The following NPAS3 variants were observed in gnomAD, a reference collection of about 807,000 sequenced individuals.
The protein encoded by NPAS3 is neuronal PAS domain-containing protein 3.
NPAS3 carries 14 observed loss-of-function variants against 73.1 expected under a neutral mutation model. That is an observed-to-expected ratio of 0.19 (90% CI 0.13 to 0.30). The LOEUF (loss-of-function observed/expected upper bound fraction) is 0.30. Among genes scored for constraint, NPAS3 ranks in the 10% least tolerant of loss-of-function variants. The pLI is 1.00. For synonymous variants in NPAS3, 620 were observed against 541.5 expected (o/e 1.14, Z -2.01); for missense variants, 1,096 against 1,250.0 (o/e 0.88, Z 1.86).
chr14:33,139,860 G>A (rs17100229), intron 2 of NPAS3, among the ~76,000 whole-genome samples: 6,138 of 152,136 alleles, frequency 0.04, 176 homozygotes, highest in African/African-American at 0.074. Flanking sequence ...AGAACTGATT[G>A]AATGTAGTCT....
chr14:33,798,212 C>A (rs1399038819), intron 11 of NPAS3, among the ~76,000 whole-genome samples: 1 of 152,170 alleles, frequency 6.6e-6, no homozygotes, highest in Non-Finnish European at 1.5e-5. Flanking sequence ...TTTCCTGAAT[C>A]TATGCAGAAC....
intron 1 of NPAS3, among the ~76,000 whole-genome samples, chr14:32,946,706 C>T (rs910153463): frequency 6.6e-6 from 1 of 152,026 alleles, no homozygotes; most frequent in Non-Finnish European, 1.5e-5. Flanking sequence ...CAAGATAATT[C>T]GCTTGTGTAT....
intron 2 of NPAS3, among the ~76,000 whole-genome samples, chr14:33,178,054 A>T (rs1332524933): frequency 2.0e-5 from 3 of 149,012 alleles, no homozygotes; most frequent in African/African-American, 7.4e-5. Context: ...TGGAATTTTG[A>T]TAGGCATTGA....
intron 2 of NPAS3, among the ~76,000 whole-genome samples, chr14:33,186,258 G>A (rs1477320468): frequency 6.6e-6 from 1 of 152,166 alleles, no homozygotes; most frequent in South Asian, 2.1e-4. Context: ...GGTTGTGCCT[G>A]TGCACTTGGA....
At chr14:33,512,512 A>G (rs2053103872) in intron 4 of NPAS3, among the ~76,000 whole-genome samples, 2 of 152,194 alleles carry the variant, frequency 1.3e-5, no homozygotes, top group South Asian at 4.1e-4. Flanking sequence ...ATGTTATAAC[A>G]AATGGTTCAA....
intron 3 of NPAS3, among the ~76,000 whole-genome samples, chr14:33,235,431 A>G (rs1283567464): frequency 6.6e-6 from 1 of 152,046 alleles, no homozygotes; most frequent in African/African-American, 2.4e-5. Flanking sequence ...GTTAAGCATA[A>G]TGTAGGTTAT....
chr14:33,170,942 T>A (rs1159458149), intron 2 of NPAS3, among the ~76,000 whole-genome samples: 4 of 152,248 alleles, frequency 2.6e-5, no homozygotes, highest in Admixed American at 2.6e-4. Flanking sequence ...CTTAACAACA[T>A]CCAAAATGGT....
intron 3 of NPAS3, among the ~76,000 whole-genome samples, chr14:33,329,679 C>A (rs1391155754): frequency 6.6e-6 from 1 of 152,116 alleles, no homozygotes; most frequent in East Asian, 1.9e-4. Context: ...GATCCTTCAC[C>A]CTTCTAGGAC....
At chr14:33,561,439 A>G (rs750942923) in intron 5 of NPAS3, among the ~76,000 whole-genome samples, 2 of 152,246 alleles carry the variant, frequency 1.3e-5, no homozygotes, top group Non-Finnish European at 2.9e-5. Flanking sequence ...TTTGAAGAAC[A>G]TGCAAGCTCT....
intron 2 of NPAS3, among the ~76,000 whole-genome samples, chr14:33,095,501 G>C (rs907596866): frequency 1.3e-5 from 2 of 151,998 alleles, no homozygotes; most frequent in Non-Finnish European, 1.5e-5. Flanking sequence ...ACAGAGATCT[G>C]AAAGAACTTC....
intron 6 of NPAS3, among the ~76,000 whole-genome samples, chr14:33,722,914 C>T (rs1175528148): frequency 2.0e-5 from 3 of 151,984 alleles, no homozygotes; most frequent in Non-Finnish European, 2.9e-5. Context: ...ATAAAACCAA[C>T]AAATCCTAGC....
At chr14:33,383,732 A>G (rs1296570882) in intron 4 of NPAS3, among the ~76,000 whole-genome samples, 2 of 152,216 alleles carry the variant, frequency 1.3e-5, no homozygotes, top group Non-Finnish European at 2.9e-5. Flanking sequence ...AATATTAAAC[A>G]AAAGAATAGA....
At chr14:33,400,680 G>C (rs1422459821) in intron 4 of NPAS3, among the ~76,000 whole-genome samples, 1 of 152,106 alleles carries the variant, frequency 6.6e-6, no homozygotes, top group African/African-American at 2.4e-5. Flanking sequence ...AACTCTGAAG[G>C]CTTCTTGCCT....
At chr14:33,732,820 C>T (rs1235976375) in intron 6 of NPAS3, among the ~76,000 whole-genome samples, 1 of 152,146 alleles carries the variant, frequency 6.6e-6, no homozygotes, top group Non-Finnish European at 1.5e-5. Context: ...GTGCCATACT[C>T]CTGCCTCATT....
chr14:33,782,802 T>C (rs537406809), intron 9 of NPAS3, among the ~76,000 whole-genome samples: 1 of 144,832 alleles, frequency 6.9e-6, no homozygotes, highest in East Asian at 1.9e-4. Context: ...CTATCCAACA[T>C]ACTTGGGGGT....
At chr14:33,787,496 C>T (rs2063214198) in intron 9 of NPAS3, among the ~76,000 whole-genome samples, 1 of 151,604 alleles carries the variant, frequency 6.6e-6, no homozygotes, top group Non-Finnish European at 1.5e-5. Flanking sequence ...GATGCATACT[C>T]ATTCACAAAA....
chr14:33,487,718 G>A (rs146850051), intron 4 of NPAS3, among the ~76,000 whole-genome samples: 38 of 152,210 alleles, frequency 2.5e-4, no homozygotes, highest in East Asian at 3.9e-4. Context: ...TAAGCTTTTC[G>A]TGGAAAATGT....
At chr14:33,392,016 A>G (rs191086695) in intron 4 of NPAS3, among the ~76,000 whole-genome samples, 2 of 152,326 alleles carry the variant, frequency 1.3e-5, no homozygotes, top group Admixed American at 6.5e-5. Flanking sequence ...GGATTTTCAG[A>G]TGATAGTTGA....
chr14:33,397,644 A>C (rs956812443), intron 4 of NPAS3, among the ~76,000 whole-genome samples: 4 of 152,124 alleles, frequency 2.6e-5, no homozygotes, highest in African/African-American at 9.7e-5. Context: ...GTGTGGACTT[A>C]TTTCAGTTGG....
Sources: allele counts gnomAD v4.1 joint callset (sites outside exome capture counted in the v4.1 genomes callset), GRCh38; gene constraint gnomAD v4.1.1; transcripts MANE v1.5; gene names NCBI Gene and HGNC (gene_info 2026-07-23, HGNC 2026-07-21).